The following DNAJC1 variants were observed in gnomAD, a reference collection of about 807,000 sequenced individuals.
The protein encoded by DNAJC1 is DnaJ heat shock protein family (Hsp40) member C1, also known as dnaJ homolog subfamily C member 1.
In DNAJC1, 58 loss-of-function variants were observed where a neutral mutation model predicts 76.6. The ratio of observed to expected loss-of-function variants is 0.76; its 90% CI spans 0.61 to 0.94. The LOEUF (loss-of-function observed/expected upper bound fraction) is 0.94, where lower values mean the gene tolerates loss of function less well. Among genes scored for constraint, DNAJC1 ranks in the 40% least tolerant of loss-of-function variants. DNAJC1 has a pLI of 0.00. For missense variants in DNAJC1, 689 were observed against 677.3 expected, an observed-to-expected ratio of 1.02 and a Z score of -0.19; for synonymous variants, 258 against 267.9, an observed-to-expected ratio of 0.96 and a Z score of 0.36.
chr10:21,900,962 C>G (rs1449414435), intron 7 of DNAJC1, among the ~76,000 whole-genome samples: 1 of 152,124 alleles, frequency 6.6e-6, no homozygotes, highest in Non-Finnish European at 1.5e-5. Flanking sequence ...ATCACTCTTC[C>G]TTTAGTCTTA....
At chr10:21,835,689 C>T (rs950911967) in intron 8 of DNAJC1, among the ~76,000 whole-genome samples, 31 of 152,148 alleles carry the variant, frequency 2.0e-4, no homozygotes, top group African/African-American at 6.5e-4. Flanking sequence ...GCAGAAGCCT[C>T]AGTAGCCGAT....
chr10:22,003,240 GT>G lies in DNAJC1; in HGVS notation c.194del (p.Asn65ThrfsTer26). 2 of 1,571,124 alleles carry G rather than the reference GT, an allele frequency of 1.3e-6. No individual in the cohort carries two copies. Among genetic ancestry groups the G allele is most frequent in the Non-Finnish European group, 1.7e-6 (2 of 1,160,768 alleles). On this transcript the variant is annotated frameshift_variant, in exon 1 of 12. Coordinates refer to ENST00000376980, the MANE Select transcript of DNAJC1 (RefSeq NM_022365.4). LOFTEE classifies it high-confidence loss of function. ...GCTGCACCCCGAGGAACTGGTAGAA[GT>G]TGAGCTGCACCTCCTCCACTAAGTC... ...LFDLVEEVQL[N>X]FYQFLGVQQD...
intron 8 of DNAJC1, among the ~76,000 whole-genome samples, chr10:21,807,870 C>T (rs927176730): frequency 3.9e-5 from 6 of 152,030 alleles, no homozygotes; most frequent in South Asian, 2.1e-4. Flanking sequence ...AAAATTTACA[C>T]GGAGGGTTTT....
rs770077326 is a variant in DNAJC1 at position 21,759,432 on chromosome 10, C to T, written c.1334G>A (p.Arg445Gln). Reference protein sequence around the residue: ...TGATDARPRRRKPARLLEATA... With the variant: ...TGATDARPRRQKPARLLEATA... ...AGCCTCCAGCAGCCTGGCTGGCTTC[C>T]GCCTCCGAGGCCGGGCATCAGTGGC... Residue 445 changes from arginine to glutamine, a missense_variant, in exon 11 of 12, where the codon CGG (arginine) becomes CAG (glutamine). Arg to Gln is a conservative substitution (Grantham distance 43). Transcript: ENST00000376980. The T allele has an allele frequency of 1.1e-4, 170 of 1,613,994 alleles. No homozygotes were observed. Among genetic ancestry groups the T allele is most frequent in the Non-Finnish European group, 1.4e-4 (161 of 1,180,048 alleles).
chr10:21,825,744 T>C (rs899244447), intron 8 of DNAJC1, among the ~76,000 whole-genome samples: 4 of 152,252 alleles, frequency 2.6e-5, no homozygotes, highest in African/African-American at 9.6e-5. Context: ...TGCTATCTTA[T>C]GTGGTTTTGA....
At chr10:21,960,453 T>G (rs1837771179) in intron 1 of DNAJC1, among the ~76,000 whole-genome samples, 1 of 152,210 alleles carries the variant, frequency 6.6e-6, no homozygotes, top group Non-Finnish European at 1.5e-5. Flanking sequence ...GCCGGGTGCC[T>G]ATTATCACAG....
intron 1 of DNAJC1, among the ~76,000 whole-genome samples, chr10:21,998,207 A>G (rs1417647432): frequency 6.6e-6 from 1 of 152,020 alleles, no homozygotes; most frequent in Non-Finnish European, 1.5e-5. Flanking sequence ...CCTGACCAAC[A>G]TGGCGAAACC....
chr10:21,798,567 A>G (rs1249890484), intron 9 of DNAJC1, among the ~76,000 whole-genome samples: 1 of 152,132 alleles, frequency 6.6e-6, no homozygotes, highest in African/African-American at 2.4e-5. Context: ...CTCTGCCAGC[A>G]ATGCTCCTTC....
intron 1 of DNAJC1, among the ~76,000 whole-genome samples, chr10:21,993,905 A>AAAC (rs1196782599): frequency 6.6e-6 from 1 of 152,128 alleles, no homozygotes; most frequent in East Asian, 1.9e-4. Context: ...TCCTGCGGGC[A>AAAC]AACTTTTTTT....
At chr10:21,983,350 T>C (rs926986289) in intron 1 of DNAJC1, among the ~76,000 whole-genome samples, 1 of 152,238 alleles carries the variant, frequency 6.6e-6, no homozygotes, top group African/African-American at 2.4e-5. Context: ...ACAAGTGAAA[T>C]AAGCCAGACA....
At chr10:21,827,571 TG>T (rs1319823517) in intron 8 of DNAJC1, among the ~76,000 whole-genome samples, 10 of 152,224 alleles carry the variant, frequency 6.6e-5, no homozygotes, top group Admixed American at 2.6e-4. Context: ...CAGCAATCCT[TG>T]GTGTTCTGCG....
chr10:21,948,033 A>T (rs546367661), intron 1 of DNAJC1, among the ~76,000 whole-genome samples: 21 of 152,110 alleles, frequency 1.4e-4, no homozygotes, highest in Non-Finnish European at 3.1e-4. Context: ...ATGATTCAAA[A>T]ATATGGGATA....
chr10:21,830,083 T>C (rs1036155924), intron 8 of DNAJC1, among the ~76,000 whole-genome samples: 3 of 152,202 alleles, frequency 2.0e-5, no homozygotes, highest in Non-Finnish European at 2.9e-5. Context: ...GTTGCTGTCA[T>C]GTATTTTAGT....
At chr10:21,850,693 C>A (rs755835968) in intron 8 of DNAJC1, among the ~76,000 whole-genome samples, 3 of 151,976 alleles carry the variant, frequency 2.0e-5, no homozygotes, top group African/African-American at 7.2e-5. Context: ...TAATTAAAAT[C>A]TCAAGGAACC....
intron 8 of DNAJC1, among the ~76,000 whole-genome samples, chr10:21,870,877 T>A (rs924207057): frequency 1.3e-5 from 2 of 152,016 alleles, no homozygotes; most frequent in Non-Finnish European, 2.9e-5. Flanking sequence ...TACGGCACAT[T>A]AATTTATTCT....
At chr10:21,767,493 G>C (rs1449362511) in intron 9 of DNAJC1, among the ~76,000 whole-genome samples, 3 of 152,080 alleles carry the variant, frequency 2.0e-5, no homozygotes, top group African/African-American at 7.2e-5. Context: ...TTGCTATGTG[G>C]CCCAGAATGG....
chr10:21,998,297 G>A (rs1379561573), intron 1 of DNAJC1, among the ~76,000 whole-genome samples: 2 of 150,846 alleles, frequency 1.3e-5, no homozygotes, highest in Non-Finnish European at 2.9e-5. Context: ...GGCTGAGGCA[G>A]GAGAATCGCG....
intron 8 of DNAJC1, among the ~76,000 whole-genome samples, chr10:21,838,616 C>G (rs574215733): frequency 6.6e-6 from 1 of 151,822 alleles, no homozygotes; most frequent in East Asian, 1.9e-4. Flanking sequence ...CAAGAATGAT[C>G]AATAAATACT....
chr10:21,812,184 G>A (rs547144491), intron 8 of DNAJC1, among the ~76,000 whole-genome samples: 1 of 150,726 alleles, frequency 6.6e-6, no homozygotes, highest in East Asian at 2.0e-4. Flanking sequence ...TCAGCCTCCC[G>A]AGTAACTGGG....
Sources: allele counts gnomAD v4.1 joint callset (sites outside exome capture counted in the v4.1 genomes callset), GRCh38; gene constraint gnomAD v4.1.1; transcripts MANE v1.5; gene names NCBI Gene and HGNC (gene_info 2026-07-23, HGNC 2026-07-21).